CNTNAP4: variants seen among roughly 807,000 people sequenced by gnomAD.
CNTNAP4 encodes the protein contactin-associated protein-like 4.
A neutral mutation model predicts 148.4 loss-of-function variants in CNTNAP4; 98 were observed. The ratio of observed to expected loss-of-function variants is 0.66; its 90% CI spans 0.56 to 0.78. The LOEUF (loss-of-function observed/expected upper bound fraction) is 0.78, where lower values mean the gene tolerates loss of function less well. Ranked by LOEUF, CNTNAP4 falls within the 30% of genes least tolerant of loss-of-function variation. The probability of loss-of-function intolerance (pLI) is 0.00; values close to 1 mark genes in which losing one functional copy is unlikely to be tolerated. For missense variants in CNTNAP4, 1,935 were observed against 1,565.6 expected (o/e 1.24, Z -3.98); for synonymous variants, 730 against 565.1 (o/e 1.29, Z -4.14).
intron 1 of CNTNAP4, among the ~76,000 whole-genome samples, chr16:76,314,089 A>G (rs951686041): frequency 1.4e-4 from 22 of 152,364 alleles, no homozygotes; most frequent in African/African-American, 4.8e-4. Flanking sequence ...GAAGCAATAT[A>G]TGTGATACAC....
chr16:76,372,133 C>G (rs1410624888), intron 3 of CNTNAP4, among the ~76,000 whole-genome samples: 1 of 140,986 alleles, frequency 7.1e-6, no homozygotes, highest in Non-Finnish European at 1.5e-5. Flanking sequence ...TGTGTTCCAG[C>G]CCAAATTTTT....
intron 3 of CNTNAP4, among the ~76,000 whole-genome samples, chr16:76,424,607 A>T (rs2079313866): frequency 6.6e-6 from 1 of 152,096 alleles, no homozygotes; most frequent in African/African-American, 2.4e-5. Flanking sequence ...TGCAGAAAAA[A>T]AATTAGCCAG....
At position 76,534,926 on chromosome 16, in the gene CNTNAP4, C is replaced by A. The variant is rs190948793; in HGVS notation, c.2756-619C>A. 5.6e-4 allele frequency among the ~76,000 whole-genome samples: 85 copies of A among 152,206 alleles called. No homozygotes were observed. In the Middle Eastern group the frequency reaches 0.01, roughly 18 times the overall value. ...TACATCACTTATTTCTGTATCGATC[C>A]CCTTTTGCAATTTTGTTAAGAATCT... On this transcript the variant is annotated intron_variant, in intron 17 of 23. Coordinates refer to ENST00000611870, the MANE Select transcript of CNTNAP4 (RefSeq NM_033401.5).
At chr16:76,291,002 T>C (rs1959092477) in intron 1 of CNTNAP4, among the ~76,000 whole-genome samples, 1 of 152,122 alleles carries the variant, frequency 6.6e-6, no homozygotes, top group Admixed American at 6.5e-5. Context: ...CTTACTCTTC[T>C]TATAAGGGGC....
intron 3 of CNTNAP4, among the ~76,000 whole-genome samples, chr16:76,393,167 T>G (rs1221203555): frequency 1.3e-5 from 2 of 152,172 alleles, no homozygotes; most frequent in East Asian, 3.9e-4. Context: ...AACCCCTATC[T>G]AGCCTTATCT....
chr16:76,440,022 G>C (rs1037371264), intron 4 of CNTNAP4, among the ~76,000 whole-genome samples: 6 of 121,654 alleles, frequency 4.9e-5, no homozygotes, highest in African/African-American at 2.2e-4. Flanking sequence ...TTTCTTAGAA[G>C]TCAAAATTGG....
chr16:76,553,871 G>C lies in CNTNAP4; in HGVS notation c.3697G>C (p.Ala1233Pro). 1 of 1,612,312 alleles carries C rather than the reference G, an allele frequency of 6.2e-7. No homozygotes were observed. The highest frequency in any genetic ancestry group is 8.5e-7 in the Non-Finnish European group (1 of 1,178,594). ...SGTIDDREPL[A>P]NAIKSDSAVI... ...AACAATAGATGACAGAGAGCCCCTT[G>C]CTAATGCAATCAAAAGTGACTCTGC... Residue 1233 changes from alanine to proline, a missense_variant, in exon 23 of 24, where the codon GCT (alanine) becomes CCT (proline). Ala to Pro is a conservative substitution (Grantham distance 27). Coordinates refer to ENST00000611870, the MANE Select transcript of CNTNAP4 (RefSeq NM_033401.5).
intron 2 of CNTNAP4, among the ~76,000 whole-genome samples, chr16:76,321,805 A>C (rs934108074): frequency 4.6e-5 from 7 of 151,100 alleles, no homozygotes; most frequent in African/African-American, 1.4e-4. Flanking sequence ...AAAAAAAAAA[A>C]AACTTTATAA....
chr16:76,372,270 C>G (rs13338963), intron 3 of CNTNAP4, among the ~76,000 whole-genome samples: 76,642 of 150,032 alleles, frequency 0.51, 20,005 homozygotes, highest in African/African-American at 0.58. Context: ...CTCCCGAGTA[C>G]CTGGGACTAC....
At chr16:76,295,712 C>T (rs976044535) in intron 1 of CNTNAP4, among the ~76,000 whole-genome samples, 1 of 152,188 alleles carries the variant, frequency 6.6e-6, no homozygotes, top group East Asian at 1.9e-4. Context: ...GTGGCCAATT[C>T]AAGTTGGTGG....
At chr16:76,391,332 G>A (rs2016975040) in intron 3 of CNTNAP4, among the ~76,000 whole-genome samples, 1 of 152,094 alleles carries the variant, frequency 6.6e-6, no homozygotes, top group Non-Finnish European at 1.5e-5. Context: ...ATTTTCTGGG[G>A]GAAAAGTCAA....
intron 1 of CNTNAP4, among the ~76,000 whole-genome samples, chr16:76,295,214 T>C (rs1209737376): frequency 6.6e-6 from 1 of 152,026 alleles, no homozygotes; most frequent in East Asian, 1.9e-4. Flanking sequence ...GACAGCTAGA[T>C]GAGGAAAGAA....
rs144438337 is a variant in CNTNAP4, at chr16:76,516,149, A to G, written c.2366-4991A>G. 7.0e-3 allele frequency among the ~76,000 whole-genome samples: 882 copies of G among 125,398 alleles called. 8 individuals are homozygous for G. Among genetic ancestry groups the G allele is most frequent in the African/African-American group, 0.023 (740 of 32,150 alleles). The allele number at this position is 125,398 out of a possible 152,430, so 82.3% of individuals were successfully genotyped here. A position where few individuals can be genotyped will look rare whatever the true frequency, so the allele number is the denominator to read the frequency against. ...GATGTTCCCCTCTCTGTGTCCATGT[A>G]TTCTCATTATTTAACTCCCACTTAC... On this transcript the variant is annotated intron_variant, in intron 15 of 23. Transcript: ENST00000611870.
rs1164988446 is a variant in CNTNAP4, at chr16:76,560,687, T to G, written c.*2004T>G. 6.6e-6 allele frequency among the ~76,000 whole-genome samples: 1 copy of G among 152,210 alleles called. No individual in the cohort carries two copies. Among genetic ancestry groups the G allele is most frequent in the Non-Finnish European group, 1.5e-5 (1 of 68,034 alleles). On this transcript the variant is annotated 3_prime_UTR_variant, in exon 24 of 24. Transcript: ENST00000611870. ...CATGGAAATGCATTGACACATCCTA[T>G]GCCATGACTTTAATTTCCTGATTTG...
At chr16:76,550,691 C>T (rs1001353725) in intron 21 of CNTNAP4, among the ~76,000 whole-genome samples, 3 of 148,184 alleles carry the variant, frequency 2.0e-5, no homozygotes, top group Non-Finnish European at 4.5e-5. Context: ...AAAAAAAACT[C>T]CAAATCAAGA....
chr16:76,277,424 G>A lies in CNTNAP4; in HGVS notation c.-239G>A, dbSNP rs1044420007. 3 of 484,294 alleles carry A rather than the reference G, an allele frequency of 6.2e-6. No individual in the cohort carries two copies. The highest frequency in any genetic ancestry group is 3.9e-5 in the African/African-American group (2 of 51,356). The allele number at this position is 484,294 out of a possible 1,614,324, so 30.0% of individuals were successfully genotyped here. ...GTGCTTTTCAGTGAGGAGTCAGGGA[G>A]GTGTGTGTGAGAGAGAGAGAGAAAA... On this transcript the variant is annotated 5_prime_UTR_variant, in exon 1 of 24. Transcript: ENST00000611870.
At chr16:76,354,456 T>A (rs901309454) in intron 2 of CNTNAP4, among the ~76,000 whole-genome samples, 3 of 152,162 alleles carry the variant, frequency 2.0e-5, no homozygotes, top group African/African-American at 7.2e-5. Context: ...GCTCTATGAT[T>A]TCCTTGGTTC....
chr16:76,363,427 G>A (rs990307794), intron 3 of CNTNAP4, among the ~76,000 whole-genome samples: 1 of 151,978 alleles, frequency 6.6e-6, no homozygotes, highest in South Asian at 2.1e-4. Flanking sequence ...CTCCCAAAGT[G>A]CTGAGATTAC....
chr16:76,399,050 C>A (rs566949817), intron 3 of CNTNAP4, among the ~76,000 whole-genome samples: 26 of 152,186 alleles, frequency 1.7e-4, no homozygotes, highest in African/African-American at 6.3e-4. Flanking sequence ...AATTCCCCTG[C>A]GCAAGCTCTC....
Sources: allele counts gnomAD v4.1 joint callset (sites outside exome capture counted in the v4.1 genomes callset), GRCh38; gene constraint gnomAD v4.1.1; transcripts MANE v1.5; gene names NCBI Gene and HGNC (gene_info 2026-07-23, HGNC 2026-07-21).